Variants in GABBR2 observed in about 807,000 individuals in gnomAD.
GABBR2 encodes the protein G-protein coupled receptor 51.
In GABBR2, 23 loss-of-function variants were observed where a neutral mutation model predicts 105.6. That is an observed-to-expected ratio of 0.22 (90% confidence interval 0.16 to 0.31). GABBR2 has a LOEUF of 0.31. GABBR2 is among the 10% of genes least tolerant of loss of function. The pLI, the probability that GABBR2 is intolerant of heterozygous loss-of-function variation, is 1.00. For synonymous variants in GABBR2, 478 were observed against 499.7 expected, an observed-to-expected ratio of 0.96 and a Z score of 0.58; for missense variants, 734 against 1,245.5, an observed-to-expected ratio of 0.59 and a Z score of 6.18.
At chr9:98,575,225 G>A (rs1209757810) in intron 2 of GABBR2, among the ~76,000 whole-genome samples, 2 of 152,180 alleles carry the variant, frequency 1.3e-5, no homozygotes, top group Non-Finnish European at 2.9e-5. Context: ...AGCCCCCTAG[G>A]AGCAGGCAGG....
chr9:98,517,423 C>T (rs372737767), intron 3 of GABBR2, among the ~76,000 whole-genome samples: 35 of 152,310 alleles, frequency 2.3e-4, no homozygotes, highest in African/African-American at 8.2e-4. Flanking sequence ...CCTCCACCCA[C>T]ATATGTGTCA....
At chr9:98,659,575 G>C (rs1291839210) in intron 1 of GABBR2, among the ~76,000 whole-genome samples, 1 of 132,512 alleles carries the variant, frequency 7.5e-6, no homozygotes, top group African/African-American at 2.9e-5. Context: ...AGGCTGGAGT[G>C]CAGTGGCACG....
intron 13 of GABBR2, among the ~76,000 whole-genome samples, chr9:98,354,892 G>A (rs1454309568): frequency 2.6e-5 from 4 of 152,214 alleles, no homozygotes; most frequent in East Asian, 1.9e-4. Flanking sequence ...GAGTGCAGTC[G>A]GCCTAGCTTT....
At chr9:98,371,184 C>T (rs2131461794) in intron 12 of GABBR2, among the ~76,000 whole-genome samples, 1 of 152,196 alleles carries the variant, frequency 6.6e-6, no homozygotes, top group East Asian at 1.9e-4. Context: ...CACTCACCCT[C>T]CAGGCCCCAG....
At chr9:98,688,020 A>G (rs1192083567) in intron 1 of GABBR2, among the ~76,000 whole-genome samples, 5 of 152,186 alleles carry the variant, frequency 3.3e-5, no homozygotes, top group Non-Finnish European at 7.3e-5. Context: ...CTGCCAGGGT[A>G]GTCTGAATTT....
At chr9:98,567,947 G>T (rs139236987) in intron 2 of GABBR2, among the ~76,000 whole-genome samples, 65 of 152,300 alleles carry the variant, frequency 4.3e-4, no homozygotes, top group African/African-American at 1.5e-3. Flanking sequence ...TACAGCAGGC[G>T]CTGCACTTGT....
intron 1 of GABBR2, chr9:98,607,476 C>T (rs949896500): frequency 4.0e-5 from 23 of 573,230 alleles, no homozygotes; most frequent in Middle Eastern, 4.6e-4. Context: ...AACCCAAGAA[C>T]ATAAAATTAA....
chr9:98,608,653 A>G (rs1159453462), intron 1 of GABBR2, among the ~76,000 whole-genome samples: 1 of 152,234 alleles, frequency 6.6e-6, no homozygotes, highest in African/African-American at 2.4e-5. Flanking sequence ...ACACATGGAA[A>G]AAAAACCCTA....
intron 3 of GABBR2, among the ~76,000 whole-genome samples, chr9:98,523,652 C>T (rs1489065720): frequency 5.3e-5 from 8 of 152,094 alleles, no homozygotes; most frequent in Non-Finnish European, 8.8e-5. Context: ...GAAGTGCAAC[C>T]GGGAACCTAG....
In GABBR2 at chr9:98,343,162, T is replaced by A. The variant is rs1056886340; in HGVS notation, c.1893+19553A>T. Among the ~76,000 whole-genome samples the A allele has an allele frequency of 5.3e-5, 8 of 152,180 alleles. No homozygotes were observed. The South Asian group carries it at 6.2e-4, about 12-fold the overall frequency. On this transcript the variant is annotated intron_variant, in intron 13 of 18. Transcript: ENST00000259455. ...GAAGCTGGAGGAAAGTTCTGAAATATCCCTTTGTCCCAAATGGCCCTTAAC... is the reference window on the plus strand; with the variant it reads ...GAAGCTGGAGGAAAGTTCTGAAATAACCCTTTGTCCCAAATGGCCCTTAAC...
chr9:98,499,177 G>T (rs114509336), intron 3 of GABBR2, among the ~76,000 whole-genome samples: 1 of 152,224 alleles, frequency 6.6e-6, no homozygotes, highest in East Asian at 1.9e-4. Context: ...CAGGCAAATG[G>T]CAAGGCATCA....
At chr9:98,403,740 T>A (rs1832439262) in intron 8 of GABBR2, among the ~76,000 whole-genome samples, 2 of 141,994 alleles carry the variant, frequency 1.4e-5, no homozygotes, top group Non-Finnish European at 3.0e-5. Flanking sequence ...GCTACTTACT[T>A]GCTGAGAAAA....
At chr9:98,510,900 C>G (rs1367785225) in intron 3 of GABBR2, among the ~76,000 whole-genome samples, 2 of 152,188 alleles carry the variant, frequency 1.3e-5, no homozygotes, top group African/African-American at 4.8e-5. Context: ...CTGCACCAAG[C>G]AGACCTAATA....
chr9:98,576,039 G>A (rs1446548957), intron 2 of GABBR2, among the ~76,000 whole-genome samples: 4 of 152,168 alleles, frequency 2.6e-5, no homozygotes. Context: ...GGGGCTAAGT[G>A]AGGGGCCCTC....
chr9:98,625,816 C>T (rs1829729462), intron 1 of GABBR2, among the ~76,000 whole-genome samples: 1 of 152,182 alleles, frequency 6.6e-6, no homozygotes. Flanking sequence ...CAGAGCACCT[C>T]AAGAAGCAGG....
At chr9:98,586,284 C>CTTTTTTTTTTTTTTTTTT (rs569530376) in intron 1 of GABBR2, among the ~76,000 whole-genome samples, 5 of 131,086 alleles carry the variant, frequency 3.8e-5, no homozygotes, top group Admixed American at 7.8e-5. Context: ...TCTTTTCTTT[C>CTTTTTTTTTTTTTTTTTT]TTTTTTTTTT....
intron 7 of GABBR2, among the ~76,000 whole-genome samples, chr9:98,445,514 T>G (rs1826110414): frequency 6.6e-6 from 1 of 152,210 alleles, no homozygotes; most frequent in South Asian, 2.1e-4. Context: ...GAATCACATG[T>G]CAGTAATTTG....
chr9:98,442,696 G>T (rs1054037943), intron 7 of GABBR2, among the ~76,000 whole-genome samples: 6 of 152,208 alleles, frequency 3.9e-5, no homozygotes, highest in African/African-American at 1.4e-4. Flanking sequence ...TATCTCAGTT[G>T]TGGAGGCTAG....
At chr9:98,492,205 C>T (rs1368257874) in intron 4 of GABBR2, among the ~76,000 whole-genome samples, 2 of 151,790 alleles carry the variant, frequency 1.3e-5, no homozygotes, top group African/African-American at 2.4e-5. Flanking sequence ...TGCTAGAATG[C>T]AGAAGCTGGC....
Sources: gnomAD v4.1 joint callset for allele counts (sites outside exome capture counted in the v4.1 genomes callset) on GRCh38, gnomAD v4.1.1 for gene constraint, MANE v1.5 for transcripts, NCBI Gene and HGNC (gene_info 2026-07-23, HGNC 2026-07-21) for gene names.